Variants in KCNH1 observed in about 807,000 individuals in gnomAD.
The protein encoded by KCNH1 is voltage-gated delayed rectifier potassium channel KCNH1.
In KCNH1, 27 loss-of-function variants were observed where a neutral mutation model predicts 69.2. The ratio of observed to expected loss-of-function variants is 0.39; its 90% CI spans 0.29 to 0.54. KCNH1 has a LOEUF of 0.54. KCNH1 is among the 20% of genes least tolerant of loss of function. KCNH1 has a pLI of 0.68. For missense variants in KCNH1, 798 were observed against 1,261.6 expected, an observed-to-expected ratio of 0.63 and a Z score of 5.57; for synonymous variants, 456 against 487.7, an observed-to-expected ratio of 0.93 and a Z score of 0.86.
In KCNH1 at chr1:210,785,436, C is replaced by CT. The variant is rs1385173634; in HGVS notation, c.1916-9893_1916-9892insA. Among the ~76,000 whole-genome samples the CT allele has an allele frequency of 1.3e-4, 19 of 151,546 alleles. No homozygotes were observed. The South Asian group carries it at 4.0e-3, about 32-fold the overall frequency. On this transcript the variant is annotated intron_variant, in intron 9 of 10. Coordinates refer to ENST00000271751, the MANE Select transcript of KCNH1 (RefSeq NM_172362.3). Reference sequence around the variant, plus strand: ...TTGAGATAGAGTCTAGCTCTGTCACCCAGGCTGGAGTGCAGTGGTGCAATC... The same window carrying CT: ...TTGAGATAGAGTCTAGCTCTGTCACCTCAGGCTGGAGTGCAGTGGTGCAATC...
At chr1:211,052,413 T>C (rs972570928) in intron 5 of KCNH1, among the ~76,000 whole-genome samples, 3 of 152,224 alleles carry the variant, frequency 2.0e-5, no homozygotes, top group Non-Finnish European at 4.4e-5. Context: ...ATTGTGAGTA[T>C]TTTAAAAGAC....
Position 210,683,197 on chromosome 1 carries a change from G to C in KCNH1, c.*84C>G. On this transcript the variant is annotated 3_prime_UTR_variant, in exon 11 of 11. Coordinates refer to ENST00000271751, the MANE Select transcript of KCNH1 (RefSeq NM_172362.3). This position sits in a 1 kb window ranked among gnomAD's most constrained non-coding sequence, Gnocchi z 5.7. ...AGGAAAAGCCTACTTGAAAATTGTT[G>C]GTCATGTGGACATATGTGGTAGGGG... 7.7e-7 allele frequency: 1 copy of C among 1,298,004 alleles called. No individual in the cohort carries two copies. Among genetic ancestry groups the C allele is most frequent in the Non-Finnish European group, 1.1e-6 (1 of 942,326 alleles). The allele number at this position is 1,298,004 out of a possible 1,614,324, so 80.4% of individuals were successfully genotyped here.
intron 6 of KCNH1, among the ~76,000 whole-genome samples, chr1:210,922,421 A>T (rs1244278921): frequency 6.7e-6 from 1 of 149,064 alleles, no homozygotes; most frequent in Non-Finnish European, 1.5e-5. Flanking sequence ...AAAAAAAAAA[A>T]CCTGACAAGT....
Position 210,683,765 on chromosome 1 carries a change from C to G in KCNH1, c.2486G>C (p.Gly829Ala). The change falls in exon 11 of 11, where the codon GGC (glycine) becomes GCC (alanine). Residue 829 changes from glycine to alanine, a missense_variant. Coordinates refer to ENST00000271751, the MANE Select transcript of KCNH1 (RefSeq NM_172362.3). This position sits in a 1 kb window ranked among gnomAD's most constrained non-coding sequence, Gnocchi z 5.7. ...CCAGCTTTTGCGCTTGGCACAATCGCCCCCGCCCCCCTTGGGGCCCAGGCA... is the reference window on the plus strand; with the variant it reads ...CCAGCTTTTGCGCTTGGCACAATCGGCCCCGCCCCCCTTGGGGCCCAGGCA... ...SECLGPKGGGGDCAKRKSWAR... is the reference protein window; with the variant it reads ...SECLGPKGGGADCAKRKSWAR... The G allele has an allele frequency of 6.2e-7, 1 of 1,613,890 alleles. No homozygotes were observed. The highest frequency in any genetic ancestry group is 8.5e-7 in the Non-Finnish European group (1 of 1,180,036).
intron 4 of KCNH1, among the ~76,000 whole-genome samples, chr1:211,087,611 AC>A (rs1690977602): frequency 1.7e-5 from 1 of 59,410 alleles, no homozygotes; most frequent in East Asian, 4.0e-4. Flanking sequence ...AAGCATACAC[AC>A]ACACACACAC....
chr1:210,897,806 A>T (rs566366590), intron 7 of KCNH1, among the ~76,000 whole-genome samples: 34 of 152,336 alleles, frequency 2.2e-4, no homozygotes, highest in African/African-American at 7.7e-4. Context: ...CATCTGGGGC[A>T]CTTTTAAAGG....
At position 211,007,304 on chromosome 1, in the gene KCNH1, G is replaced by A. The variant is rs146695377; in HGVS notation, c.1032+11479C>T. ...GCTCTGACACAGACTCCCAATCATT[G>A]TTCTCTTCTATCAGAGCCAGATCAC... On this transcript the variant is annotated intron_variant, in intron 6 of 10. Coordinates refer to ENST00000271751, the MANE Select transcript of KCNH1 (RefSeq NM_172362.3). Among the ~76,000 whole-genome samples, 270 of 152,272 alleles carry A rather than the reference G, an allele frequency of 1.8e-3. 1 individual carries two copies. Among genetic ancestry groups the A allele is most frequent in the African/African-American group, 6.3e-3 (260 of 41,558 alleles).
At chr1:210,713,806 C>A (rs771003472) in intron 10 of KCNH1, among the ~76,000 whole-genome samples, 75 of 152,190 alleles carry the variant, frequency 4.9e-4, no homozygotes, top group African/African-American at 1.8e-3. Flanking sequence ...GTATTAAAGA[C>A]AATATATTTT....
intron 6 of KCNH1, among the ~76,000 whole-genome samples, chr1:210,950,409 C>G (rs183643376): frequency 0.014 from 1,938 of 139,384 alleles, 35 homozygotes; most frequent in Middle Eastern, 0.027. Flanking sequence ...TGATATTCCC[C>G]TTCCTGTGTC....
chr1:210,823,688 A>T (rs1226128105), intron 7 of KCNH1, among the ~76,000 whole-genome samples: 1 of 152,234 alleles, frequency 6.6e-6, no homozygotes, highest in Non-Finnish European at 1.5e-5. Flanking sequence ...CCTATATAGA[A>T]GGTGCTATTA....
chr1:210,871,804 A>AT (rs1686254842), intron 7 of KCNH1, among the ~76,000 whole-genome samples: 4 of 149,878 alleles, frequency 2.7e-5, no homozygotes, highest in Non-Finnish European at 4.4e-5. Context: ...TCGCAAGAAC[A>AT]AAAAACCAAA....
intron 7 of KCNH1, among the ~76,000 whole-genome samples, chr1:210,848,907 G>T (rs3905343): frequency 6.6e-6 from 1 of 152,060 alleles, no homozygotes; most frequent in African/African-American, 2.4e-5. Flanking sequence ...AAGGTAAAGA[G>T]TTAAGTGTCT....
At chr1:210,844,514 G>A (rs898059875) in intron 7 of KCNH1, among the ~76,000 whole-genome samples, 2 of 152,218 alleles carry the variant, frequency 1.3e-5, no homozygotes, top group African/African-American at 2.4e-5. Flanking sequence ...AAATAAGGAT[G>A]TTCTTTGAAA....
At chr1:211,103,420 C>G in intron 3 of KCNH1, 76 bp downstream of exon 3, 1 of 944,518 alleles carries the variant, frequency 1.1e-6, no homozygotes, top group East Asian at 2.5e-5. Context: ...AAAACCAAGA[C>G]AGCAACAGAG....
intron 7 of KCNH1, among the ~76,000 whole-genome samples, chr1:210,886,771 T>A (rs1430742652): frequency 6.6e-6 from 1 of 151,576 alleles, no homozygotes; most frequent in Non-Finnish European, 1.5e-5. Flanking sequence ...AGTAACTGAA[T>A]CGATCAAGCG....
chr1:211,023,139 T>C (rs1689618291), intron 5 of KCNH1, among the ~76,000 whole-genome samples: 1 of 145,326 alleles, frequency 6.9e-6, no homozygotes, highest in African/African-American at 2.6e-5. Flanking sequence ...AATAAATAAA[T>C]AAATAAATAA....
At chr1:210,792,785 G>A (rs868023927) in intron 9 of KCNH1, among the ~76,000 whole-genome samples, 1 of 151,936 alleles carries the variant, frequency 6.6e-6, no homozygotes, top group Non-Finnish European at 1.5e-5. Flanking sequence ...CATTACTAAG[G>A]GGACACTAAA....
chr1:210,985,638 G>T (rs142053872), intron 6 of KCNH1, among the ~76,000 whole-genome samples: 4,024 of 152,304 alleles, frequency 0.026, 97 homozygotes, highest in South Asian at 0.06. Flanking sequence ...TTGCACTGTG[G>T]TCTGGGAGAG....
At chr1:210,765,409 A>C (rs993969550) in intron 10 of KCNH1, among the ~76,000 whole-genome samples, 6 of 152,186 alleles carry the variant, frequency 3.9e-5, no homozygotes, top group Non-Finnish European at 8.8e-5. Context: ...TTAATAAAAC[A>C]AACAACCACA....
Sources: gnomAD v4.1 joint callset for allele counts (sites outside exome capture counted in the v4.1 genomes callset) on GRCh38, gnomAD v4.1.1 for gene constraint, Gnocchi (gnomAD v3.1) non-coding constraint, MANE v1.5 for transcripts, NCBI Gene and HGNC (gene_info 2026-07-23, HGNC 2026-07-21) for gene names.